Variants in DST observed in about 807,000 individuals in gnomAD.
DST encodes bullous pemphigoid antigen.
A neutral mutation model predicts 875.2 loss-of-function variants in DST; 253 were observed. The observed-to-expected ratio is 0.29, with a 90% CI of 0.26 to 0.32. The LOEUF is 0.32. DST is among the 10% of genes least tolerant of loss of function. The pLI is 1.00. For synonymous variants in DST, 3,124 were observed against 3,197.1 expected (o/e 0.98, Z 0.77); for missense variants, 8,287 against 9,111.6 (o/e 0.91, Z 3.68).
chr6:56,808,425 T>C (rs2099755825), intron 4 of DST, among the ~76,000 whole-genome samples: 1 of 152,146 alleles, frequency 6.6e-6, no homozygotes. Context: ...CAAACCACAG[T>C]AATAATAAAA....
chr6:56,635,061 CCTAGT>C (rs2098812658), intron 24 of DST, 108 bp from the exon 25 acceptor site: 1 of 848,546 alleles, frequency 1.2e-6, no homozygotes, highest in Non-Finnish European at 1.9e-6. Flanking sequence ...TCTCTGACTA[CCTAGT>C]CTAAATTTTC....
At chr6:56,759,701 C>T (rs1284567161) in intron 4 of DST, among the ~76,000 whole-genome samples, 1 of 152,064 alleles carries the variant, frequency 6.6e-6, no homozygotes, top group African/African-American at 2.4e-5. Flanking sequence ...TTTCTGAGCT[C>T]AGACAATAAA....
At chr6:56,752,909 A>G (rs549990092) in intron 4 of DST, among the ~76,000 whole-genome samples, 1 of 152,182 alleles carries the variant, frequency 6.6e-6, no homozygotes, top group African/African-American at 2.4e-5. Context: ...CTCCTGCCTC[A>G]GCCTCCTGAG....
In DST at chr6:56,819,434, T is replaced by A. The variant is rs188239016; in HGVS notation, c.625+31963A>T. Among the ~76,000 whole-genome samples, 8 of 152,250 alleles carry A rather than the reference T, an allele frequency of 5.3e-5. No individual in the cohort carries two copies. The East Asian group carries it at 1.5e-3, about 29-fold the overall frequency. On this transcript the variant is annotated intron_variant, in intron 4 of 103. Coordinates refer to ENST00000680361, the MANE Select transcript of DST (RefSeq NM_001374736.1). ...TTTCTCATAATTTCAGTAGGTCTCT[T>A]AAGTTTAAGAACCTCCATTTTACTT...
intron 4 of DST, among the ~76,000 whole-genome samples, chr6:56,786,703 TTG>T (rs1334459682): frequency 6.6e-6 from 1 of 152,052 alleles, no homozygotes; most frequent in Non-Finnish European, 1.5e-5. Flanking sequence ...CAGCTAATTT[TTG>T]TCTTTTTAGA....
rs145351947 is a variant in DST, at chr6:56,640,476, T to C, written c.2157A>G (p.Ser719=). The change falls in exon 18 of 104, where the codon TCA becomes TCG. Residue 719 remains serine, a synonymous_variant. Transcript: ENST00000680361. Reference sequence around the variant, plus strand: ...TAGGGTGTAAGGTCTGTGCAAATCCTGAGTTTAAACTTTGAGTGATTCCTG... The same window carrying C: ...TAGGGTGTAAGGTCTGTGCAAATCCCGAGTTTAAACTTTGAGTGATTCCTG... ...MISGITQSLN[S]GFAQTLHPSL... is the part of the protein sequence containing the mutation. 144 of 1,614,220 alleles carry C rather than the reference T, an allele frequency of 8.9e-5. No homozygotes were observed. The African/African-American group carries it at 1.7e-3, about 20-fold the overall frequency.
At chr6:56,729,548 G>A (rs1264648706) in intron 5 of DST, among the ~76,000 whole-genome samples, 2 of 151,498 alleles carry the variant, frequency 1.3e-5, no homozygotes, top group Non-Finnish European at 1.5e-5. Flanking sequence ...CAGAGGTTGC[G>A]GTGAGCCGAG....
intron 49 of DST, among the ~76,000 whole-genome samples, chr6:56,579,906 C>A (rs763924627): frequency 6.6e-6 from 1 of 152,082 alleles, no homozygotes; most frequent in Non-Finnish European, 1.5e-5. Context: ...TGGGAAAAGT[C>A]CAATGGAAAC....
At position 56,954,643 on chromosome 6, in the gene DST, C is replaced by A; in HGVS notation, c.-56G>T. On this transcript the variant is annotated 5_prime_UTR_variant, in exon 1 of 104. Coordinates refer to ENST00000680361, the MANE Select transcript of DST (RefSeq NM_001374736.1). Reference sequence around the variant, plus strand: ...CGGGGCTGGAGGGCGGCGGCACAGGCACCCGCGCTGGGCGCACGCCGGGAC... The same window carrying A: ...CGGGGCTGGAGGGCGGCGGCACAGGAACCCGCGCTGGGCGCACGCCGGGAC... 1 of 1,197,790 alleles carries A rather than the reference C, an allele frequency of 8.3e-7. No homozygotes were observed. The highest frequency in any genetic ancestry group is 1.1e-6 in the Non-Finnish European group (1 of 937,456). The allele number at this position is 1,197,790 out of a possible 1,614,324, so 74.2% of individuals were successfully genotyped here.
At chr6:56,847,046 G>A (rs1436180565) in intron 4 of DST, among the ~76,000 whole-genome samples, 2 of 148,536 alleles carry the variant, frequency 1.3e-5, no homozygotes, top group Non-Finnish European at 3.0e-5. Flanking sequence ...GCCAGGCCCT[G>A]TGGCTCACTC....
intron 4 of DST, among the ~76,000 whole-genome samples, chr6:56,762,665 C>A (rs917209474): frequency 6.6e-6 from 1 of 152,162 alleles, no homozygotes; most frequent in African/African-American, 2.4e-5. Flanking sequence ...CTTAACAGAA[C>A]AATGTAAAAT....
chr6:56,655,150 G>C (rs545118838), intron 10 of DST, among the ~76,000 whole-genome samples: 2 of 123,566 alleles, frequency 1.6e-5, no homozygotes, highest in Non-Finnish European at 3.2e-5. Context: ...GACAGAGCGA[G>C]ACTTTGCCTC....
At chr6:56,587,997 C>T (rs965318646) in intron 49 of DST, among the ~76,000 whole-genome samples, 4 of 151,994 alleles carry the variant, frequency 2.6e-5, no homozygotes, top group African/African-American at 9.7e-5. Context: ...GAAGCAACTG[C>T]ATCAACTAAC....
chr6:56,655,466 AT>A (rs1226580368), intron 10 of DST, among the ~76,000 whole-genome samples: 12 of 152,126 alleles, frequency 7.9e-5, no homozygotes, highest in African/African-American at 2.7e-4. Context: ...CCAAATCGGG[AT>A]TTTTTTAAGG....
intron 23 of DST, among the ~76,000 whole-genome samples, 179 bp from the exon 24 acceptor site, chr6:56,635,893 T>G (rs993715521): frequency 6.6e-6 from 1 of 152,196 alleles, no homozygotes; most frequent in Non-Finnish European, 1.5e-5. Context: ...TGAAGTTGAA[T>G]AGTTATGAAT....
At chr6:56,587,182 A>G (rs977666134) in intron 49 of DST, among the ~76,000 whole-genome samples, 3 of 152,094 alleles carry the variant, frequency 2.0e-5, no homozygotes, top group Admixed American at 6.5e-5. Flanking sequence ...AGACGAATGT[A>G]TAACTAGAAT....
intron 10 of DST, among the ~76,000 whole-genome samples, chr6:56,660,425 G>A (rs898660465): frequency 3.3e-5 from 5 of 152,114 alleles, no homozygotes; most frequent in Non-Finnish European, 7.3e-5. Flanking sequence ...CCCACACAGA[G>A]GTGACTGAAG....
chr6:56,924,724 C>A (rs1313661103), intron 2 of DST, among the ~76,000 whole-genome samples: 1 of 152,066 alleles, frequency 6.6e-6, no homozygotes, highest in Non-Finnish European at 1.5e-5. Context: ...TTCTAATTTT[C>A]AAACATATAT....
At chr6:56,629,503 T>TA in intron 31 of DST, 60 bp from the exon 32 acceptor site, 17 of 1,228,802 alleles carry the variant, frequency 1.4e-5, no homozygotes, top group Non-Finnish European at 1.8e-5. Flanking sequence ...GGTAAATATA[T>TA]TATTTACCTA....
Sources: gnomAD v4.1 joint callset for allele counts (sites outside exome capture counted in the v4.1 genomes callset) on GRCh38, gnomAD v4.1.1 for gene constraint, MANE v1.5 for transcripts, NCBI Gene and HGNC (gene_info 2026-07-23, HGNC 2026-07-21) for gene names.